Variants in CDC42SE2 observed in about 807,000 individuals in gnomAD.
CDC42SE2 encodes CDC42 small effector 2, also known as CDC42 small effector protein 2.
In CDC42SE2, 3 loss-of-function variants were observed where a neutral mutation model predicts 11.5. That is an observed-to-expected ratio of 0.26 (90% CI 0.12 to 0.67). The LOEUF (loss-of-function observed/expected upper bound fraction) is 0.67. CDC42SE2 is among the 30% of genes least tolerant of loss of function. CDC42SE2 has a pLI of 0.80. For missense variants in CDC42SE2, 82 were observed against 106.8 expected (o/e 0.77, Z 1.02); for synonymous variants, 33 against 34.8 (o/e 0.95, Z 0.18).
At chr5:131,286,724 A>T (rs1194700656) in intron 1 of CDC42SE2, among the ~76,000 whole-genome samples, 1 of 151,922 alleles carries the variant, frequency 6.6e-6, no homozygotes, top group African/African-American at 2.4e-5. Flanking sequence ...CCACTTAATG[A>T]ATAGTAATTA....
At chr5:131,356,630 G>A (rs940747130) in intron 2 of CDC42SE2, among the ~76,000 whole-genome samples, 3 of 152,192 alleles carry the variant, frequency 2.0e-5, no homozygotes, top group African/African-American at 7.2e-5. Context: ...AGAAGTTATT[G>A]TACTTTAGGC....
chr5:131,367,581 G>A (rs1159461470), intron 3 of CDC42SE2, among the ~76,000 whole-genome samples: 1 of 152,188 alleles, frequency 6.6e-6, no homozygotes, highest in Non-Finnish European at 1.5e-5. Flanking sequence ...CCGATTGCTA[G>A]TGAGGTTAAG....
intron 2 of CDC42SE2, among the ~76,000 whole-genome samples, chr5:131,320,740 CA>C (rs544330250): frequency 1.4e-5 from 2 of 147,564 alleles, no homozygotes; most frequent in Admixed American, 6.8e-5. Context: ...GACTCTGTCT[CA>C]AAAAAAAATG....
At chr5:131,212,113 G>A in the CDC42SE2 span, among the ~76,000 whole-genome samples, 2 of 151,204 alleles carry the variant, frequency 1.3e-5, no homozygotes, top group Non-Finnish European at 3.0e-5. Flanking sequence ...CTGTTTTTTT[G>A]TTTTTTTGTT....
chr5:131,273,615 A>C (rs1461425798), intron 1 of CDC42SE2, among the ~76,000 whole-genome samples: 1 of 149,896 alleles, frequency 6.7e-6, no homozygotes, highest in African/African-American at 2.4e-5. Context: ...CTAAAAATAC[A>C]AAAAAAAATT....
chr5:131,359,646 A>G, intron 3 of CDC42SE2, 99 bp downstream of exon 3: 3 of 847,404 alleles, frequency 3.5e-6, no homozygotes, highest in Non-Finnish European at 6.2e-6. Context: ...ATTGCAAAGC[A>G]GTTGTAGAGA....
rs555934339 is a variant in CDC42SE2, at chr5:131,356,062, T to C, written c.-285-3147T>C. Among the ~76,000 whole-genome samples, 9 of 152,346 alleles carry C rather than the reference T, an allele frequency of 5.9e-5. No homozygotes were observed. In the South Asian group the frequency reaches 1.9e-3, roughly 32 times the overall value. On this transcript the variant is annotated intron_variant, in intron 2 of 4. Coordinates refer to ENST00000505065, the MANE Select transcript of CDC42SE2 (RefSeq NM_001375635.1). ...TTAATGACCAAGTTCCATGATGTTC[T>C]CTTTAAAAGTCCCTTCCCTTTCTAA...
At chr5:131,370,288 G>GA (rs1261034232) in intron 3 of CDC42SE2, among the ~76,000 whole-genome samples, 2 of 151,972 alleles carry the variant, frequency 1.3e-5, no homozygotes, top group East Asian at 3.9e-4. Flanking sequence ...GAACAAAAGA[G>GA]AAAAGAAACT....
intron 2 of CDC42SE2, among the ~76,000 whole-genome samples, chr5:131,343,762 AAAG>A (rs1198986111): frequency 2.6e-5 from 4 of 151,936 alleles, no homozygotes; most frequent in African/African-American, 7.2e-5. Context: ...AGAGAGAAAT[AAAG>A]AAGAAGAGTG....
At chr5:131,342,172 C>T (rs1443346429) in intron 2 of CDC42SE2, among the ~76,000 whole-genome samples, 14 of 145,180 alleles carry the variant, frequency 9.6e-5, no homozygotes, top group African/African-American at 3.3e-4. Context: ...CCCAGCTACT[C>T]GGGAGGCTGA....
chr5:131,278,614 A>G (rs1302964295), intron 1 of CDC42SE2, among the ~76,000 whole-genome samples: 2 of 149,382 alleles, frequency 1.3e-5, no homozygotes, highest in East Asian at 2.0e-4. Context: ...GAGGTGGTCA[A>G]ATATTTATCA....
chr5:131,302,948 A>G (rs150311412), intron 1 of CDC42SE2, among the ~76,000 whole-genome samples: 1 of 152,068 alleles, frequency 6.6e-6, no homozygotes, highest in African/African-American at 2.4e-5. Flanking sequence ...TAACTCAACT[A>G]CATCTTACAC....
chr5:131,348,876 A>G (rs1758925142), intron 2 of CDC42SE2, among the ~76,000 whole-genome samples: 1 of 152,212 alleles, frequency 6.6e-6, no homozygotes, highest in African/African-American at 2.4e-5. Context: ...CCTGACAAAA[A>G]CAAGAAATGG....
intron 2 of CDC42SE2, among the ~76,000 whole-genome samples, chr5:131,350,623 G>GTT (rs1758983591): frequency 7.2e-6 from 1 of 138,026 alleles, no homozygotes; most frequent in Admixed American, 7.1e-5. Flanking sequence ...GTGTGTGTGT[G>GTT]TGTGTGTGTG....
intron 4 of CDC42SE2, among the ~76,000 whole-genome samples, chr5:131,390,770 A>C (rs1426339848): frequency 9.9e-5 from 15 of 152,196 alleles, no homozygotes; most frequent in Admixed American, 9.8e-4. Flanking sequence ...TGTAATTTGG[A>C]AATAGAGAAA....
chr5:131,344,592 A>T (rs1758794824), intron 2 of CDC42SE2, among the ~76,000 whole-genome samples: 1 of 152,212 alleles, frequency 6.6e-6, no homozygotes, highest in African/African-American at 2.4e-5. Context: ...AGCTGAACAA[A>T]AGGCAGCAGA....
chr5:131,343,580 T>C (rs1437463735), intron 2 of CDC42SE2, among the ~76,000 whole-genome samples: 1 of 151,840 alleles, frequency 6.6e-6, no homozygotes. Context: ...GGTGTGGTGG[T>C]GCATGCCTAT....
At chr5:131,337,845 C>A (rs75664071) in intron 2 of CDC42SE2, among the ~76,000 whole-genome samples, 10,385 of 152,270 alleles carry the variant, frequency 0.068, 683 homozygotes, top group African/African-American at 0.18. Context: ...GGGAGTTACC[C>A]GATTTTCCAG....
At chr5:131,338,372 T>C (rs1009350983) in intron 2 of CDC42SE2, among the ~76,000 whole-genome samples, 2 of 152,174 alleles carry the variant, frequency 1.3e-5, no homozygotes, top group African/African-American at 4.8e-5. Flanking sequence ...TTGTATTGTT[T>C]TGTTTATATA....
Sources: gnomAD v4.1 joint callset for allele counts (sites outside exome capture counted in the v4.1 genomes callset) on GRCh38, gnomAD v4.1.1 for gene constraint, MANE v1.5 for transcripts, NCBI Gene and HGNC (gene_info 2026-07-23, HGNC 2026-07-21) for gene names.